The following DCAF17 variants were observed in gnomAD, a reference collection of about 807,000 sequenced individuals.
DCAF17 encodes DDB1- and CUL4-associated factor 17.
A neutral mutation model predicts 66.0 loss-of-function variants in DCAF17; 48 were observed. That is an observed-to-expected ratio of 0.73 (90% CI 0.58 to 0.92). DCAF17 has a LOEUF of 0.92. Among genes scored for constraint, DCAF17 ranks in the 40% least tolerant of loss-of-function variants. DCAF17 has a pLI of 0.00. For missense variants in DCAF17, 562 were observed against 622.8 expected, an observed-to-expected ratio of 0.90 and a Z score of 1.04; for synonymous variants, 206 against 214.6, an observed-to-expected ratio of 0.96 and a Z score of 0.35.
chr2:171,472,137 T>A (rs1206564697), intron 9 of DCAF17, among the ~76,000 whole-genome samples: 1 of 152,210 alleles, frequency 6.6e-6, no homozygotes, highest in African/African-American at 2.4e-5. Context: ...TACTCATGTT[T>A]ATATGCATAC....
At chr2:171,471,050 A>T (rs1008483135) in intron 9 of DCAF17, among the ~76,000 whole-genome samples, 1 of 152,206 alleles carries the variant, frequency 6.6e-6, no homozygotes, top group African/African-American at 2.4e-5. Context: ...ATTACTTTAA[A>T]TCTAAATAAT....
chr2:171,442,713 C>T (rs1036526900), intron 2 of DCAF17, among the ~76,000 whole-genome samples: 3 of 151,844 alleles, frequency 2.0e-5, no homozygotes, highest in Non-Finnish European at 4.4e-5. Flanking sequence ...AACTCTGCCT[C>T]TACAAAAAAT....
At chr2:171,458,980 G>T (rs1236714344) in intron 8 of DCAF17, among the ~76,000 whole-genome samples, 2 of 152,102 alleles carry the variant, frequency 1.3e-5, no homozygotes, top group Non-Finnish European at 2.9e-5. Flanking sequence ...TAGTAAAAAT[G>T]TTCTATATTT....
At chr2:171,437,381 A>C (rs1276842126) in intron 2 of DCAF17, among the ~76,000 whole-genome samples, 1 of 152,194 alleles carries the variant, frequency 6.6e-6, no homozygotes, top group African/African-American at 2.4e-5. Flanking sequence ...CACCCTTGTC[A>C]AAAATCAATT....
chr2:171,447,194 CA>C (rs951794409), intron 3 of DCAF17, among the ~76,000 whole-genome samples: 33 of 140,824 alleles, frequency 2.3e-4, no homozygotes, highest in South Asian at 1.1e-3. Flanking sequence ...TGTAGTCATA[CA>C]AAAAAAAAAC....
intron 6 of DCAF17, among the ~76,000 whole-genome samples, chr2:171,454,346 G>A (rs1031267244): frequency 2.0e-5 from 3 of 150,252 alleles, no homozygotes; most frequent in East Asian, 2.0e-4. Context: ...GTGCAGTGGC[G>A]CAATCTCTGC....
At chr2:171,445,680 A>G (rs1694577414) in intron 3 of DCAF17, among the ~76,000 whole-genome samples, 1 of 152,166 alleles carries the variant, frequency 6.6e-6, no homozygotes, top group Non-Finnish European at 1.5e-5. Flanking sequence ...TAAAACTTAA[A>G]TTTTTTTAAT....
At chr2:171,476,019 A>G (rs181286044) in intron 10 of DCAF17, among the ~76,000 whole-genome samples, 4 of 152,378 alleles carry the variant, frequency 2.6e-5, no homozygotes, top group Admixed American at 2.0e-4. Context: ...GTTTTACAAT[A>G]TAAGCATTTA....
intron 8 of DCAF17, among the ~76,000 whole-genome samples, chr2:171,463,173 G>T (rs1020298301): frequency 6.6e-6 from 1 of 151,620 alleles, no homozygotes; most frequent in African/African-American, 2.4e-5. Flanking sequence ...AGAGGTTGCG[G>T]TGAGTGAGAC....
At chr2:171,466,723 T>C (rs1695918391) in intron 8 of DCAF17, among the ~76,000 whole-genome samples, 1 of 134,938 alleles carries the variant, frequency 7.4e-6, no homozygotes. Flanking sequence ...CATCTGTTTG[T>C]ACTGTTTTTT....
At chr2:171,446,940 C>T (rs146569710) in intron 3 of DCAF17, among the ~76,000 whole-genome samples, 4,750 of 152,098 alleles carry the variant, frequency 0.031, 82 homozygotes, top group East Asian at 0.051. Context: ...AATGGTGTGA[C>T]CAATATGAAG....
intron 8 of DCAF17, among the ~76,000 whole-genome samples, chr2:171,466,727 G>GTTTTTTTTT (rs74268270): frequency 1.5e-5 from 2 of 133,634 alleles, no homozygotes; most frequent in Non-Finnish European, 3.2e-5. Flanking sequence ...TGTTTGTACT[G>GTTTTTTTTT]TTTTTTTTTT....
intron 9 of DCAF17, among the ~76,000 whole-genome samples, chr2:171,472,076 A>G (rs1696273405): frequency 6.6e-6 from 1 of 151,954 alleles, no homozygotes. Context: ...ACCCCAGCCT[A>G]CCTCTCCAGT....
intron 6 of DCAF17, among the ~76,000 whole-genome samples, chr2:171,456,183 T>C (rs1390087460): frequency 1.3e-5 from 2 of 152,216 alleles, no homozygotes; most frequent in Non-Finnish European, 1.5e-5. Flanking sequence ...TTGAGTTAAT[T>C]TTTGCGTATG....
intron 5 of DCAF17, among the ~76,000 whole-genome samples, chr2:171,451,042 TA>T (rs141488689): frequency 2.6e-3 from 366 of 141,688 alleles, no homozygotes; most frequent in Admixed American, 3.3e-3. Flanking sequence ...ACTCTAGCAT[TA>T]AAAAAAAAAA....
chr2:171,439,970 A>G (rs1205042876), intron 2 of DCAF17, among the ~76,000 whole-genome samples: 1 of 152,036 alleles, frequency 6.6e-6, no homozygotes, highest in Non-Finnish European at 1.5e-5. Context: ...AAAAAACAAG[A>G]AATGAGGCGT....
chr2:171,435,414 G>A (rs1362444146), intron 2 of DCAF17, among the ~76,000 whole-genome samples: 1 of 152,164 alleles, frequency 6.6e-6, no homozygotes, highest in Non-Finnish European at 1.5e-5. Context: ...TACAGTGCAG[G>A]CAAAACCACA....
At chr2:171,444,176 A>G (rs1323999259) in intron 3 of DCAF17, among the ~76,000 whole-genome samples, 2 of 152,196 alleles carry the variant, frequency 1.3e-5, no homozygotes, top group Non-Finnish European at 2.9e-5. Flanking sequence ...GACTGTAAAC[A>G]TATCTATTGA....
intron 5 of DCAF17, among the ~76,000 whole-genome samples, chr2:171,451,007 G>A (rs1290242507): frequency 6.6e-6 from 1 of 151,096 alleles, no homozygotes; most frequent in East Asian, 1.9e-4. Context: ...CTGTAATATG[G>A]ACTGGCAGGT....
Sources: allele counts gnomAD v4.1 joint callset (sites outside exome capture counted in the v4.1 genomes callset), GRCh38; gene constraint gnomAD v4.1.1; transcripts MANE v1.5; gene names NCBI Gene and HGNC (gene_info 2026-07-23, HGNC 2026-07-21).